ADAM10: variants seen among roughly 807,000 people sequenced by gnomAD.
ADAM10 encodes ADAM metallopeptidase domain 10, also known as disintegrin and metalloproteinase domain-containing protein 10.
Under a neutral mutation model 90.1 loss-of-function variants are expected in ADAM10, and 17 were observed. The ratio of observed to expected loss-of-function variants is 0.19; its 90% CI spans 0.13 to 0.28. ADAM10 has a LOEUF of 0.28. Ranked by LOEUF, ADAM10 falls within the 10% of genes least tolerant of loss-of-function variation. ADAM10 has a pLI of 1.00. For synonymous variants in ADAM10, 310 were observed against 298.6 expected, an observed-to-expected ratio of 1.04 and a Z score of -0.40; for missense variants, 610 against 914.3, an observed-to-expected ratio of 0.67 and a Z score of 4.29.
At chr15:58,655,714 T>TATATATATATAC (rs1896803668) in intron 5 of ADAM10, among the ~76,000 whole-genome samples, 1 of 57,370 alleles carries the variant, frequency 1.7e-5, no homozygotes, top group African/African-American at 1.1e-4. Flanking sequence ...ATATATAGTA[T>TATATATATATAC]ATATATATAT....
chr15:58,669,829 C>T (rs184865619), intron 4 of ADAM10, among the ~76,000 whole-genome samples: 59 of 152,144 alleles, frequency 3.9e-4, no homozygotes, highest in African/African-American at 1.3e-3. Flanking sequence ...ACAACATGGA[C>T]GAATCCCAAA....
At chr15:58,682,582 A>G (rs1222531834) in intron 2 of ADAM10, among the ~76,000 whole-genome samples, 2 of 152,168 alleles carry the variant, frequency 1.3e-5, no homozygotes, top group African/African-American at 4.8e-5. Context: ...TACATGGTAA[A>G]ACAAGATATT....
chr15:58,706,363 A>T (rs957705306), intron 2 of ADAM10, among the ~76,000 whole-genome samples: 1 of 152,202 alleles, frequency 6.6e-6, no homozygotes, highest in African/African-American at 2.4e-5. Flanking sequence ...GTTAGTGGTT[A>T]CTAGGAGTAA....
intron 1 of ADAM10, among the ~76,000 whole-genome samples, chr15:58,744,203 T>C (rs56279139): frequency 1.4e-5 from 2 of 145,910 alleles, no homozygotes; most frequent in African/African-American, 2.6e-5. Context: ...GCAACCTCAA[T>C]GCTAAACTCT....
intron 2 of ADAM10, chr15:58,691,625 C>T (rs1446614647): frequency 2.3e-6 from 1 of 434,088 alleles, no homozygotes; most frequent in African/African-American, 2.1e-5. Context: ...TCTTGTTATT[C>T]TCCTTGTCTT....
At chr15:58,696,515 G>A (rs1322574293) in intron 2 of ADAM10, among the ~76,000 whole-genome samples, 3 of 146,474 alleles carry the variant, frequency 2.0e-5, no homozygotes, top group Admixed American at 1.4e-4. Flanking sequence ...GCCCAGACTA[G>A]AGTGCAATGC....
At chr15:58,698,567 C>A (rs1191891923) in intron 2 of ADAM10, among the ~76,000 whole-genome samples, 2 of 120,286 alleles carry the variant, frequency 1.7e-5, no homozygotes, top group African/African-American at 3.3e-5. Flanking sequence ...CAGAGTGAGA[C>A]CTTGTCTCAA....
chr15:58,675,009 A>G (rs995625498), intron 4 of ADAM10, among the ~76,000 whole-genome samples: 11 of 152,234 alleles, frequency 7.2e-5, no homozygotes, highest in African/African-American at 2.7e-4. Flanking sequence ...CATCCTGGCC[A>G]ACATGGTGAA....
chr15:58,724,294 C>T (rs1375539365), intron 1 of ADAM10, among the ~76,000 whole-genome samples: 3 of 151,814 alleles, frequency 2.0e-5, no homozygotes, highest in Non-Finnish European at 4.4e-5. Flanking sequence ...GGTAAAATGA[C>T]ACGATGTCCA....
intron 2 of ADAM10, among the ~76,000 whole-genome samples, chr15:58,705,588 A>C (rs930450651): frequency 6.6e-6 from 1 of 152,212 alleles, no homozygotes; most frequent in Non-Finnish European, 1.5e-5. Context: ...TTTTACATCC[A>C]AACCAGACAA....
intron 3 of ADAM10, among the ~76,000 whole-genome samples, chr15:58,679,722 T>C (rs542647630): frequency 3.9e-4 from 60 of 152,134 alleles, no homozygotes; most frequent in African/African-American, 1.4e-3. Flanking sequence ...CTAGCTAACA[T>C]AGCGAAACCC....
intron 11 of ADAM10, among the ~76,000 whole-genome samples, chr15:58,617,414 C>A (rs1223313192): frequency 6.6e-6 from 1 of 152,006 alleles, no homozygotes; most frequent in Non-Finnish European, 1.5e-5. Context: ...TCACAAGTAA[C>A]AAGATTGAAT....
rs560882948 is a variant in ADAM10, at chr15:58,720,637, G to A, written c.56-2910C>T. ...AGGATAGTCTCGATCTCCTGACCTC[G>A]TGATCCGCCCACCTCAGCCTCCCAA... On this transcript the variant is annotated intron_variant, in intron 1 of 15. Coordinates refer to ENST00000260408, the MANE Select transcript of ADAM10 (RefSeq NM_001110.4). 5.4e-4 allele frequency among the ~76,000 whole-genome samples: 82 copies of A among 151,064 alleles called. No individual in the cohort carries two copies. In the South Asian group the frequency reaches 0.014, roughly 26 times the overall value.
chr15:58,617,104 G>A (rs1255243317), intron 11 of ADAM10, among the ~76,000 whole-genome samples: 19 of 151,326 alleles, frequency 1.3e-4, no homozygotes, highest in African/African-American at 2.7e-4. Flanking sequence ...GTGAGACTCC[G>A]TCTCAAAAAA....
At chr15:58,626,523 C>G (rs1041785804) in intron 10 of ADAM10, among the ~76,000 whole-genome samples, 5 of 151,902 alleles carry the variant, frequency 3.3e-5, no homozygotes, top group African/African-American at 1.2e-4. Flanking sequence ...AACCCTAATA[C>G]AAAGTAAATA....
At chr15:58,695,692 A>G (rs1897957501) in intron 2 of ADAM10, among the ~76,000 whole-genome samples, 1 of 152,026 alleles carries the variant, frequency 6.6e-6, no homozygotes, top group Non-Finnish European at 1.5e-5. Flanking sequence ...AAAAAAAAAG[A>G]ACGAACATTC....
At chr15:58,608,220 G>C (rs926748502) in intron 14 of ADAM10, among the ~76,000 whole-genome samples, 1 of 152,178 alleles carries the variant, frequency 6.6e-6, no homozygotes, top group Admixed American at 6.5e-5. Context: ...GAGGAGAAAA[G>C]CTGCCATAGT....
At chr15:58,645,360 C>T (rs1240238869) in intron 6 of ADAM10, among the ~76,000 whole-genome samples, 1 of 152,172 alleles carries the variant, frequency 6.6e-6, no homozygotes, top group Admixed American at 6.5e-5. Flanking sequence ...ATACAGATAG[C>T]TCCAATTTCT....
chr15:58,598,021 AT>A (rs1472550940), intron 15 of ADAM10, among the ~76,000 whole-genome samples: 1 of 152,194 alleles, frequency 6.6e-6, no homozygotes, highest in Non-Finnish European at 1.5e-5. Flanking sequence ...CAAGTATTAG[AT>A]TAATCCAGAT....
Sources: gnomAD v4.1 joint callset for allele counts (sites outside exome capture counted in the v4.1 genomes callset) on GRCh38, gnomAD v4.1.1 for gene constraint, MANE v1.5 for transcripts, NCBI Gene and HGNC (gene_info 2026-07-23, HGNC 2026-07-21) for gene names.